CDH13: variants seen among roughly 807,000 people sequenced by gnomAD.
CDH13 encodes cadherin 13.
CDH13 carries 24 observed loss-of-function variants against 63.8 expected under a neutral mutation model. That is an observed-to-expected ratio of 0.38 (90% CI 0.27 to 0.53). CDH13 has a LOEUF of 0.53. CDH13 is among the 20% of genes least tolerant of loss of function. The probability of loss-of-function intolerance (pLI) is 0.85; values close to 1 mark genes in which losing one functional copy is unlikely to be tolerated. For missense variants in CDH13, 1,049 were observed against 903.1 expected (o/e 1.16, Z -2.07); for synonymous variants, 503 against 355.3 (o/e 1.42, Z -4.67).
At chr16:83,194,369 A>G (rs1336535751) in intron 4 of CDH13, among the ~76,000 whole-genome samples, 5 of 152,234 alleles carry the variant, frequency 3.3e-5, no homozygotes, top group Non-Finnish European at 7.3e-5. Context: ...ATGACTGACT[A>G]CATAGAAAGA....
At chr16:83,455,858 A>G (rs1013252715) in intron 6 of CDH13, among the ~76,000 whole-genome samples, 24 of 152,216 alleles carry the variant, frequency 1.6e-4, no homozygotes, top group Non-Finnish European at 5.9e-5. Context: ...CTAGCTGGAA[A>G]CAAATCACTA....
At chr16:83,665,615 G>A (rs1261657152) in intron 8 of CDH13, among the ~76,000 whole-genome samples, 1 of 152,136 alleles carries the variant, frequency 6.6e-6, no homozygotes, top group Non-Finnish European at 1.5e-5. Context: ...CTACATCCCA[G>A]CTTTTCAAGT....
chr16:82,766,034 A>G (rs754961770), intron 1 of CDH13, among the ~76,000 whole-genome samples: 37 of 152,186 alleles, frequency 2.4e-4, no homozygotes, highest in Admixed American at 7.9e-4. Context: ...TATATTCTGG[A>G]GAGGTTTTAT....
chr16:83,045,468 C>G (rs1404437524), intron 3 of CDH13, among the ~76,000 whole-genome samples: 1 of 151,806 alleles, frequency 6.6e-6, no homozygotes, highest in African/African-American at 2.4e-5. Context: ...GAAACCCTAT[C>G]TCTACTAAAA....
At chr16:82,660,011 C>T (rs1317819306) in intron 1 of CDH13, among the ~76,000 whole-genome samples, 2 of 152,182 alleles carry the variant, frequency 1.3e-5, no homozygotes, top group African/African-American at 4.8e-5. Context: ...GGCATATCTG[C>T]TCACTGGAAA....
intron 6 of CDH13, among the ~76,000 whole-genome samples, chr16:83,438,942 T>C (rs908486026): frequency 6.6e-6 from 1 of 152,184 alleles, no homozygotes; most frequent in African/African-American, 2.4e-5. Flanking sequence ...GGCAGCACAT[T>C]TATCATGCAT....
chr16:83,317,934 C>T (rs567991372), intron 5 of CDH13, among the ~76,000 whole-genome samples: 141 of 152,254 alleles, frequency 9.3e-4, no homozygotes, highest in African/African-American at 3.2e-3. Flanking sequence ...GGGACTAGCA[C>T]CCAAGTTTTA....
Position 82,627,149 on chromosome 16 carries a change from G to A in CDH13, c.45+12G>A, listed in dbSNP as rs543760928. On this transcript the variant is annotated intron_variant, in intron 1 of 13. Transcript: ENST00000567109. ...TTCTCCTGTCCCAGGTAGGGAAGAGGGGCTGCCGGGCGCGCTCTGCGCCCC... is the reference window on the plus strand; with the variant it reads ...TTCTCCTGTCCCAGGTAGGGAAGAGAGGCTGCCGGGCGCGCTCTGCGCCCC... 2.5e-6 allele frequency: 4 copies of A among 1,601,566 alleles called. No homozygotes were observed. The highest frequency in any genetic ancestry group is 3.4e-6 in the Non-Finnish European group (4 of 1,174,170).
intron 1 of CDH13, among the ~76,000 whole-genome samples, chr16:82,778,103 C>T (rs1409321328): frequency 2.6e-5 from 4 of 152,154 alleles, no homozygotes; most frequent in African/African-American, 9.7e-5. Context: ...TATGAGGAGG[C>T]AGGGTTCACT....
intron 11 of CDH13, among the ~76,000 whole-genome samples, chr16:83,776,012 C>G (rs201542112): frequency 9.2e-5 from 14 of 152,230 alleles, no homozygotes; most frequent in East Asian, 7.7e-4. Context: ...TGATTTTTCT[C>G]TATCCCGTGC....
intron 7 of CDH13, among the ~76,000 whole-genome samples, chr16:83,534,845 T>C (rs1047111922): frequency 1.3e-5 from 2 of 152,218 alleles, no homozygotes; most frequent in African/African-American, 2.4e-5. Flanking sequence ...ACACCCAAAA[T>C]TGGGTCATCA....
intron 4 of CDH13, among the ~76,000 whole-genome samples, chr16:83,152,035 T>A (rs558927314): frequency 4.6e-4 from 70 of 152,336 alleles, no homozygotes; most frequent in African/African-American, 1.6e-3. Flanking sequence ...TATTTAGGAT[T>A]TAGTCTATAA....
At chr16:83,340,143 C>A (rs1268653802) in intron 5 of CDH13, among the ~76,000 whole-genome samples, 3 of 152,138 alleles carry the variant, frequency 2.0e-5, no homozygotes, top group Admixed American at 2.0e-4. Context: ...TTGACAGCTT[C>A]TCAAAAAGTG....
chr16:83,566,181 A>G (rs1430547281), intron 7 of CDH13, among the ~76,000 whole-genome samples: 5 of 152,124 alleles, frequency 3.3e-5, no homozygotes, highest in Admixed American at 1.3e-4. Flanking sequence ...GGGGATGTCC[A>G]GGCATTGGAT....
At chr16:83,050,149 C>T (rs926297400) in intron 3 of CDH13, among the ~76,000 whole-genome samples, 4 of 152,048 alleles carry the variant, frequency 2.6e-5, no homozygotes, top group Non-Finnish European at 5.9e-5. Flanking sequence ...TAAAAAAAAC[C>T]CTGCTTATTG....
At chr16:83,575,386 T>C (rs1180063038) in intron 7 of CDH13, among the ~76,000 whole-genome samples, 2 of 152,208 alleles carry the variant, frequency 1.3e-5, no homozygotes, top group African/African-American at 4.8e-5. Context: ...AGAATAATCT[T>C]ATCAAGTCAA....
At chr16:83,533,194 C>T (rs932174875) in intron 7 of CDH13, among the ~76,000 whole-genome samples, 9 of 152,280 alleles carry the variant, frequency 5.9e-5, no homozygotes, top group Admixed American at 1.3e-4. Flanking sequence ...GCTGGTGTCA[C>T]GCTGGAGAAG....
intron 5 of CDH13, among the ~76,000 whole-genome samples, chr16:83,237,881 A>G (rs12926446): frequency 6.6e-6 from 1 of 152,132 alleles, no homozygotes; most frequent in African/African-American, 2.4e-5. Context: ...TTGGGTATTG[A>G]TAACTTATAT....
chr16:83,021,616 G>T (rs776835941), intron 2 of CDH13, among the ~76,000 whole-genome samples: 4 of 152,168 alleles, frequency 2.6e-5, no homozygotes, highest in African/African-American at 4.8e-5. Flanking sequence ...CATTCATTAT[G>T]ATATCTTCTG....
Sources: allele counts gnomAD v4.1 joint callset (sites outside exome capture counted in the v4.1 genomes callset), GRCh38; gene constraint gnomAD v4.1.1; transcripts MANE v1.5; gene names NCBI Gene and HGNC (gene_info 2026-07-23, HGNC 2026-07-21).